The following CPNE1 variants were observed in gnomAD, a reference collection of about 807,000 sequenced individuals.
CPNE1 encodes copine-1.
Under a neutral mutation model 63.2 loss-of-function variants are expected in CPNE1, and 58 were observed. The observed-to-expected ratio is 0.92, with a 90% CI of 0.74 to 1.14. The LOEUF (loss-of-function observed/expected upper bound fraction) is 1.14, where lower values mean the gene tolerates loss of function less well. Among genes scored for constraint, CPNE1 ranks in the 50% most tolerant of loss-of-function variants. The pLI is 0.00. For synonymous variants in CPNE1, 237 were observed against 249.0 expected (o/e 0.95, Z 0.45); for missense variants, 672 against 661.7 (o/e 1.02, Z -0.17).
chr20:35,632,095 C>T (rs1298632254), intron 5 of CPNE1, 68 bp downstream of exon 5: 2 of 1,597,322 alleles, frequency 1.3e-6, no homozygotes, highest in Non-Finnish European at 1.7e-6. Context: ...CTGTCCACAC[C>T]CCCATCCCCC....
At position 35,653,347 on chromosome 20, in the gene CPNE1, C is replaced by T. The variant is rs772011266; in HGVS notation, c.-1+11413G>A. 5.0e-6 allele frequency: 8 copies of T among 1,613,824 alleles called. No individual in the cohort carries two copies. The South Asian group carries it at 5.5e-5, about 11-fold the overall frequency. On this transcript the variant is annotated intron_variant, in intron 1 of 15. Coordinates refer to ENST00000397443, the MANE Select transcript of CPNE1 (RefSeq NM_152925.3). The stretch of plus-strand genomic sequence containing the variant: ...AAGTCCTGCACTGGGCAGTCCCACA[C>T]CGGGCAGTCCCGCATTGGGCATTCC...
chr20:35,653,326 C>A, intron 1 of CPNE1: 1 of 1,613,996 alleles, frequency 6.2e-7, no homozygotes. Flanking sequence ...ACCGGGAAGT[C>A]CTGCACTGGG....
Position 35,664,875 on chromosome 20 carries a change from C to T in CPNE1, c.-116G>A, listed in dbSNP as rs1410413193. The T allele has an allele frequency of 6.6e-6, 1 of 152,386 alleles. No homozygotes were observed. The highest frequency in any genetic ancestry group is 2.4e-5 in the African/African-American group (1 of 41,486). The allele number at this position is 152,386 out of a possible 1,614,324, so 9.4% of individuals were successfully genotyped here. A position where few individuals can be genotyped will look rare whatever the true frequency, so the allele number is the denominator to read the frequency against. The stretch of plus-strand genomic sequence containing the variant: ...GGCTTCCCGGAGCCCAACGCAGCCA[C>T]CACCTCCTTCGCCGCTTCACAAAAT... On this transcript the variant is annotated 5_prime_UTR_variant, in exon 1 of 16. In the 5' UTR this introduces an upstream ATG that the reference lacks. Coordinates refer to ENST00000397443, the MANE Select transcript of CPNE1 (RefSeq NM_152925.3).
intron 1 of CPNE1, among the ~76,000 whole-genome samples, chr20:35,659,554 C>G (rs2034114535): frequency 6.6e-6 from 1 of 152,158 alleles, no homozygotes; most frequent in African/African-American, 2.4e-5. Context: ...AGTATGAGTT[C>G]TTGCTATAAG....
At chr20:35,642,912 T>C (rs1433743724) in intron 1 of CPNE1, among the ~76,000 whole-genome samples, 5 of 152,058 alleles carry the variant, frequency 3.3e-5, no homozygotes, top group Non-Finnish European at 2.9e-5. Flanking sequence ...TGGGAAAATA[T>C]GAAAAAGAAG....
At chr20:35,631,873 C>A in intron 6 of CPNE1, 72 bp downstream of exon 6, 1 of 1,562,852 alleles carries the variant, frequency 6.4e-7, no homozygotes, top group Non-Finnish European at 8.8e-7. Flanking sequence ...TTCTGAGTTC[C>A]AAACCTTGCT....
Position 35,631,396 on chromosome 20 carries a change from A to C in CPNE1, c.715-42T>G, listed in dbSNP as rs143520131. 22 of 1,609,094 alleles carry C rather than the reference A, an allele frequency of 1.4e-5. No homozygotes were observed. The African/African-American group carries it at 2.7e-4, about 20-fold the overall frequency. On this transcript the variant is annotated intron_variant, in intron 8 of 15. Transcript: ENST00000397443. ...AATTAGGGTAGGAAATTCTCAGAGC[A>C]TCAGTCAAGGACTCGAGCTGCCTTC...
intron 1 of CPNE1, chr20:35,659,018 C>T: frequency 1.4e-6 from 1 of 715,500 alleles, no homozygotes; most frequent in East Asian, 2.7e-5. Context: ...TTTTAGACTG[C>T]AATAGAGAAT....
chr20:35,658,940 A>G (rs1185681479), intron 1 of CPNE1: 1 of 716,988 alleles, frequency 1.4e-6, no homozygotes, highest in East Asian at 2.7e-5. Flanking sequence ...CTGATAAAAC[A>G]AGAGATGAAT....
chr20:35,653,990 GT>G, intron 1 of CPNE1: 1 of 1,614,114 alleles, frequency 6.2e-7, no homozygotes, highest in Non-Finnish European at 8.5e-7. Context: ...TCAATGACAT[GT>G]TTGTTTTCTG....
At chr20:35,652,852 G>T in intron 1 of CPNE1, 1 of 1,609,144 alleles carries the variant, frequency 6.2e-7, no homozygotes, top group Non-Finnish European at 8.5e-7. Flanking sequence ...AGGCCCAAAA[G>T]CTGGTGGCCC....
chr20:35,638,018 T>A (rs2032586981), intron 1 of CPNE1, among the ~76,000 whole-genome samples: 1 of 152,208 alleles, frequency 6.6e-6, no homozygotes, highest in Admixed American at 6.5e-5. Flanking sequence ...CAGTAGATAC[T>A]CATCAGTAAG....
At position 35,631,611 on chromosome 20, in the gene CPNE1, C is replaced by A; in HGVS notation, c.628-33G>T. ...AAAGGTGTGTGTGGACATAAACAAG[C>A]CAGGTGGCAGATGAGAATAAGTCCC... On this transcript the variant is annotated intron_variant, in intron 7 of 15. Transcript: ENST00000397443. 4 of 1,608,962 alleles carry A rather than the reference C, an allele frequency of 2.5e-6. No individual in the cohort carries two copies. The East Asian group carries it at 6.7e-5, about 27-fold the overall frequency.
Position 35,626,044 on chromosome 20 carries a change from TTGGTCTTCAC to T in CPNE1, c.*187_*196del. 1.5e-6 allele frequency: 1 copy of T among 650,160 alleles called. No homozygotes were observed. The highest frequency in any genetic ancestry group is 1.8e-5 in the South Asian group (1 of 55,788). 40.3% of individuals were successfully genotyped at this position (650,160 alleles called of 1,614,324 possible). On this transcript the variant is annotated 3_prime_UTR_variant, in exon 16 of 16. Transcript: ENST00000397443. ...CACACAAGAGAGTGGTGGCAAAGCA[TTGGTCTTCAC>T]TGGTCTTTATTGAATGAGGGTTGTC...
intron 1 of CPNE1, among the ~76,000 whole-genome samples, chr20:35,663,127 GTTC>G (rs2034326943): frequency 6.6e-6 from 1 of 152,096 alleles, no homozygotes; most frequent in Non-Finnish European, 1.5e-5. Context: ...ACCTGTAACA[GTTC>G]TTCCCAACTT....
At chr20:35,644,473 A>G (rs2032998227) in intron 1 of CPNE1, among the ~76,000 whole-genome samples, 1 of 152,228 alleles carries the variant, frequency 6.6e-6, no homozygotes, top group Admixed American at 6.5e-5. Context: ...GTCCAAACTC[A>G]GTACAGATTT....
chr20:35,626,595 T>C lies in CPNE1; in HGVS notation c.1445A>G (p.Gln482Arg). ...CTGGAACCGGCGGTAGGGTACAAAC[T>C]GCACAATGTCGCGGGCAGCAGCCTG... Reference protein sequence around the residue: ...SGQAAARDIVQFVPYRRFQNA... With the variant: ...SGQAAARDIVRFVPYRRFQNA... The change falls in exon 15 of 16, where the codon CAG becomes CGG. Residue 482 changes from glutamine (Q) to arginine (R), a missense_variant. Physicochemically the swap from Gln to Arg is conservative, Grantham distance 43. Transcript: ENST00000397443. The C allele has an allele frequency of 6.2e-7, 1 of 1,614,182 alleles. No individual in the cohort carries two copies.
In CPNE1 at chr20:35,632,621, C is replaced by G; in HGVS notation, c.205G>C (p.Glu69Gln). 6.4e-7 allele frequency: 1 copy of G among 1,553,334 alleles called. No individual in the cohort carries two copies. Among genetic ancestry groups the G allele is most frequent in the Non-Finnish European group, 8.9e-7 (1 of 1,124,574 alleles). The change falls in exon 3 of 16, where the codon GAG becomes CAG. Residue 69 changes from glutamate to glutamine, a missense_variant. Coordinates refer to ENST00000397443, the MANE Select transcript of CPNE1 (RefSeq NM_152925.3). Reference protein sequence around the residue: ...SKTLQLEYRFETVQKLRFGIY... With the variant: ...SKTLQLEYRFQTVQKLRFGIY... ...CCAAAGCGTAGCTTCTGGACTGTCT[C>G]AAAGCGGTACTCAAGCTGTAGAGTC...
In CPNE1 at chr20:35,654,630, A is replaced by C. The variant is rs532658606; in HGVS notation, c.-1+10130T>G. 3 of 1,614,066 alleles carry C rather than the reference A, an allele frequency of 1.9e-6. No individual in the cohort carries two copies. In the African/African-American group the frequency reaches 4.0e-5, roughly 22 times the overall value. On this transcript the variant is annotated intron_variant, in intron 1 of 15. Transcript: ENST00000397443. ...GTGGCAGTGGGGTCATGGGTGGCAC[A>C]GAAGGAACTGGGGGAATCGGGGGCA... is the stretch of plus-strand genomic sequence containing the variant.
Sources: allele counts gnomAD v4.1 joint callset (sites outside exome capture counted in the v4.1 genomes callset), GRCh38; gene constraint gnomAD v4.1.1; transcripts MANE v1.5; gene names NCBI Gene and HGNC (gene_info 2026-07-23, HGNC 2026-07-21).